The following OTOG variants were observed in gnomAD, a reference collection of about 807,000 sequenced individuals.
OTOG encodes the protein otogelin.
A neutral mutation model predicts 313.8 loss-of-function variants in OTOG; 296 were observed. That is an observed-to-expected ratio of 0.94 (90% confidence interval 0.86 to 1.04). The LOEUF (loss-of-function observed/expected upper bound fraction) is 1.04, where lower values mean the gene tolerates loss of function less well. OTOG is among the 50% of genes least tolerant of loss of function. OTOG has a pLI of 0.00. For missense variants in OTOG, 3,948 were observed against 3,840.1 expected, an observed-to-expected ratio of 1.03 and a Z score of -0.74; for synonymous variants, 1,533 against 1,554.9, an observed-to-expected ratio of 0.99 and a Z score of 0.33.
chr11:17,560,889 G>A, intron 13 of OTOG, 72 bp downstream of exon 13: 3 of 1,356,128 alleles, frequency 2.2e-6, no homozygotes, highest in Non-Finnish European at 3.1e-6. Flanking sequence ...CTGCCCATCT[G>A]GGAGCACTAA....
chr11:17,558,473 G>A, intron 9 of OTOG, 65 bp from the exon 10 acceptor site: 1 of 1,537,538 alleles, frequency 6.5e-7, no homozygotes, highest in Non-Finnish European at 8.8e-7. Flanking sequence ...TCAAGTTGGG[G>A]TTCTGTGTGG....
chr11:17,638,532 G>T lies in OTOG; in HGVS notation c.7877G>T (p.Cys2626Phe). The change falls in exon 48 of 56, where the codon TGC becomes TTC. Residue 2626 changes from cysteine to phenylalanine, a missense_variant. Coordinates refer to ENST00000399397, the MANE Select transcript of OTOG (RefSeq NM_001292063.2). The stretch of plus-strand genomic sequence containing the variant: ...GAGGTGTGGAGCCCCGACCGCTGCT[G>T]CCCCTACAAATCCTGTGGTGAGTCC... ...LVEVWSPDRCCPYKSCECDCD... is the reference protein window; with the variant it reads ...LVEVWSPDRCFPYKSCECDCD... 2 of 1,550,426 alleles carry T rather than the reference G, an allele frequency of 1.3e-6. No individual in the cohort carries two copies. The highest frequency in any genetic ancestry group is 1.7e-6 in the Non-Finnish European group (2 of 1,146,956).
In OTOG at chr11:17,609,787, G is replaced by C. The variant is rs779248179; in HGVS notation, c.4487G>C (p.Arg1496Thr). The C allele has an allele frequency of 1.3e-6, 2 of 1,547,944 alleles. No individual in the cohort carries two copies. The highest frequency in any genetic ancestry group is 2.0e-5 in the Admixed American group (1 of 50,706). Residue 1496 changes from arginine to threonine, a missense_variant, in exon 36 of 56, where the codon AGG becomes ACG. Physicochemically the swap from Arg to Thr is moderately conservative, Grantham distance 71. Coordinates refer to ENST00000399397, the MANE Select transcript of OTOG (RefSeq NM_001292063.2). ...GAAAGCCCCAGGACCCCCACCCACA[G>C]GCCAGCCCTCACCCCAGCTGCCCCA... ...SQESPRTPTH[R>T]PALTPAAPLT...
Position 17,572,154 on chromosome 11 carries a change from C to T in OTOG, c.2030C>T (p.Pro677Leu), listed in dbSNP as rs1182393340. ...TGGAAAACACTTTCTGCTTGCTCCC[C>T]GCTGGTCTCTGGCTCCCCTCTGGAC... ...NSWKTLSACS[P>L]LVSGSPLDPC... The change falls in exon 18 of 56, where the codon CCG (proline) becomes CTG (leucine). Residue 677 changes from proline (P) to leucine (L), a missense_variant. By Grantham distance (98) the Pro-to-Leu change is moderately conservative (BLOSUM62 -3). Transcript: ENST00000399397. The T allele has an allele frequency of 9.0e-6, 14 of 1,550,338 alleles. No homozygotes were observed. The highest frequency in any genetic ancestry group is 4.8e-5 in the South Asian group (4 of 84,062).
intron 15 of OTOG, among the ~76,000 whole-genome samples, chr11:17,562,569 A>T (rs1852214027): frequency 6.7e-6 from 1 of 148,212 alleles, no homozygotes; most frequent in South Asian, 2.1e-4. Context: ...CACCCATTTT[A>T]CAAAAAAAAA....
In OTOG at chr11:17,609,689, C is replaced by T; in HGVS notation, c.4389C>T (p.Ala1463=). 1 of 1,514,144 alleles carries T rather than the reference C, an allele frequency of 6.6e-7. No homozygotes were observed. Among genetic ancestry groups the T allele is most frequent in the Non-Finnish European group, 8.9e-7 (1 of 1,128,464 alleles). 93.8% of individuals were successfully genotyped at this position (1,514,144 alleles called of 1,614,324 possible). A position where few individuals can be genotyped will look rare whatever the true frequency, so the allele number is the denominator to read the frequency against. The change falls in exon 36 of 56, where the codon GCC becomes GCT. Residue 1463 remains alanine, a synonymous_variant. Transcript: ENST00000399397. ...VEPAVWVPTE[A]LGNETLPPSQ... Reference sequence around the variant, plus strand: ...CAGCAGTTTGGGTTCCCACAGAGGCCCTTGGCAATGAGACCCTCCCTCCCA... The same window carrying T: ...CAGCAGTTTGGGTTCCCACAGAGGCTCTTGGCAATGAGACCCTCCCTCCCA...
At chr11:17,620,945 G>A (rs1419913724) in intron 39 of OTOG, among the ~76,000 whole-genome samples, 3 of 152,154 alleles carry the variant, frequency 2.0e-5, no homozygotes, top group African/African-American at 7.2e-5. Flanking sequence ...GCACAAGTTT[G>A]ATTTGGGTCT....
intron 18 of OTOG, 99 bp downstream of exon 18, chr11:17,572,303 C>T (rs1040623046): frequency 4.1e-6 from 6 of 1,465,364 alleles, no homozygotes; most frequent in East Asian, 2.5e-5. Flanking sequence ...GAGTGCTGGC[C>T]AAATTTGTAG....
Position 17,557,340 on chromosome 11 carries a change from T to C in OTOG, c.865+17T>C, listed in dbSNP as rs1325947039. On this transcript the variant is annotated intron_variant, in intron 8 of 55. Coordinates refer to ENST00000399397, the MANE Select transcript of OTOG (RefSeq NM_001292063.2). ...CCAGCTCTGGTGAGGGTCAGACAGG[T>C]GGCCTCTGAGGGGTGTTGGTGGGGA... 1.3e-6 allele frequency: 2 copies of C among 1,530,302 alleles called. No homozygotes were observed. The highest frequency in any genetic ancestry group is 1.8e-6 in the Non-Finnish European group (2 of 1,136,228). The allele number at this position is 1,530,302 out of a possible 1,614,324, so 94.8% of individuals were successfully genotyped here.
At chr11:17,618,976 G>A (rs920558015) in intron 39 of OTOG, among the ~76,000 whole-genome samples, 7 of 152,098 alleles carry the variant, frequency 4.6e-5, no homozygotes, top group African/African-American at 1.7e-4. Context: ...TATTTAAAGT[G>A]GGATTTTTGG....
intron 49 of OTOG, 112 bp downstream of exon 49, chr11:17,639,575 TG>T (rs1390476112): frequency 1.7e-6 from 2 of 1,143,320 alleles, no homozygotes; most frequent in African/African-American, 3.1e-5. Flanking sequence ...AACCCGGGGT[TG>T]CAAGTCAGCA....
At chr11:17,561,639 A>G (rs2134011138) in intron 14 of OTOG, 23 bp from the exon 15 acceptor site, 1 of 1,550,464 alleles carries the variant, frequency 6.4e-7, no homozygotes, top group Non-Finnish European at 8.7e-7. Flanking sequence ...CCCATGGGTC[A>G]GTGGCCTTTT....
intron 20 of OTOG, among the ~76,000 whole-genome samples, chr11:17,576,225 A>T (rs1287393604): frequency 3.9e-5 from 6 of 152,210 alleles, no homozygotes. Context: ...TGTTCCTGAC[A>T]TGGCATGGGC....
At chr11:17,642,503 G>T (rs573315800) in intron 53 of OTOG, among the ~76,000 whole-genome samples, 45 of 152,298 alleles carry the variant, frequency 3.0e-4, no homozygotes, top group Admixed American at 6.5e-4. Context: ...GGCACATTCA[G>T]CCAGACACCA....
At chr11:17,620,249 A>G (rs1318881932) in intron 39 of OTOG, among the ~76,000 whole-genome samples, 1 of 151,840 alleles carries the variant, frequency 6.6e-6, no homozygotes, top group Non-Finnish European at 1.5e-5. Flanking sequence ...CTTCATAGTC[A>G]CCTCTCCCCA....
rs1285667512 is a variant in OTOG, at chr11:17,555,824, A to G, written c.586A>G (p.Arg196Gly). The G allele has an allele frequency of 2.6e-6, 4 of 1,550,854 alleles. No individual in the cohort carries two copies. The South Asian group carries it at 3.6e-5, about 14-fold the overall frequency. The change falls in exon 7 of 56, where the codon AGG becomes GGG. Residue 196 changes from arginine (R) to glycine (G), a missense_variant. Coordinates refer to ENST00000399397, the MANE Select transcript of OTOG (RefSeq NM_001292063.2). ...TGGCTCTTCACCCTACACCTGCTCC[A>G]GGGCTGTCAGCCTCTTCTTTGTGGG... ...QCGSSPYTCS[R>G]AVSLFFVGEQ...
At chr11:17,577,257 C>T (rs1852550724) in intron 22 of OTOG, among the ~76,000 whole-genome samples, 1 of 152,236 alleles carries the variant, frequency 6.6e-6, no homozygotes, top group Non-Finnish European at 1.5e-5. Context: ...TGTCATGTAT[C>T]TACTGAGGCG....
intron 47 of OTOG, among the ~76,000 whole-genome samples, chr11:17,636,652 T>C (rs1012319197): frequency 6.6e-6 from 1 of 152,170 alleles, no homozygotes; most frequent in Non-Finnish European, 1.5e-5. Flanking sequence ...TGAGGACAGA[T>C]TCACTATCCT....
At chr11:17,613,561 G>C in intron 38 of OTOG, 51 bp from the exon 39 acceptor site, 1 of 1,439,460 alleles carries the variant, frequency 6.9e-7, no homozygotes, top group Non-Finnish European at 9.6e-7. Context: ...TCACTTGGAG[G>C]GGGACAGAGG....
Sources: allele counts gnomAD v4.1 joint callset (sites outside exome capture counted in the v4.1 genomes callset), GRCh38; gene constraint gnomAD v4.1.1; transcripts MANE v1.5; gene names NCBI Gene and HGNC (gene_info 2026-07-23, HGNC 2026-07-21).